Variants in HS3ST3B1 observed in about 807,000 individuals in gnomAD.
HS3ST3B1 encodes the protein heparan sulfate-glucosamine 3-sulfotransferase 3B1.
In HS3ST3B1, 13 loss-of-function variants were observed where a neutral mutation model predicts 21.3. The observed-to-expected ratio is 0.61, with a 90% CI of 0.40 to 0.97. The LOEUF (loss-of-function observed/expected upper bound fraction) is 0.97. Among genes scored for constraint, HS3ST3B1 ranks in the 50% least tolerant of loss-of-function variants. HS3ST3B1 has a pLI of 0.00. For synonymous variants in HS3ST3B1, 234 were observed against 254.8 expected (o/e 0.92, Z 0.78); for missense variants, 459 against 554.8 (o/e 0.83, Z 1.73).
intron 1 of HS3ST3B1, among the ~76,000 whole-genome samples, chr17:14,323,033 G>A (rs537502575): frequency 1.3e-5 from 2 of 151,510 alleles, no homozygotes; most frequent in South Asian, 4.2e-4. Flanking sequence ...AGCCTCCTGA[G>A]TAGTTGGAAT....
At chr17:14,333,820 G>A (rs927147641) in intron 1 of HS3ST3B1, among the ~76,000 whole-genome samples, 2 of 151,984 alleles carry the variant, frequency 1.3e-5, no homozygotes, top group African/African-American at 2.4e-5. Context: ...ACAGAGTCTC[G>A]CAATGGTGTG....
intron 1 of HS3ST3B1, among the ~76,000 whole-genome samples, chr17:14,316,847 G>A (rs1159459287): frequency 6.6e-6 from 1 of 152,248 alleles, no homozygotes; most frequent in Admixed American, 6.5e-5. Context: ...TTAACAGAGA[G>A]AGATGGGGAT....
chr17:14,316,897 T>C (rs1216884079), intron 1 of HS3ST3B1, among the ~76,000 whole-genome samples: 1 of 152,224 alleles, frequency 6.6e-6, no homozygotes, highest in African/African-American at 2.4e-5. Flanking sequence ...TACAGGAGTA[T>C]CTGGATTTCT....
chr17:14,326,944 A>AAG (rs1555549296), intron 1 of HS3ST3B1, among the ~76,000 whole-genome samples: 2 of 148,124 alleles, frequency 1.4e-5, no homozygotes, highest in African/African-American at 5.1e-5. Context: ...AAAAAAAAAA[A>AAG]AAGAAGAAGA....
At chr17:14,318,007 C>T (rs111683017) in intron 1 of HS3ST3B1, among the ~76,000 whole-genome samples, 3,256 of 152,226 alleles carry the variant, frequency 0.021, 43 homozygotes, top group Non-Finnish European at 0.034. Flanking sequence ...CAGCAGTTCC[C>T]GATGGTGTTT....
At chr17:14,340,902 A>C (rs910443512) in intron 1 of HS3ST3B1, among the ~76,000 whole-genome samples, 3 of 152,072 alleles carry the variant, frequency 2.0e-5, no homozygotes, top group Non-Finnish European at 4.4e-5. Context: ...TTTTCTTGGC[A>C]TCTTGGGAGA....
At chr17:14,340,228 T>C (rs2142352335) in intron 1 of HS3ST3B1, among the ~76,000 whole-genome samples, 1 of 152,276 alleles carries the variant, frequency 6.6e-6, no homozygotes, top group African/African-American at 2.4e-5. Flanking sequence ...CAAAGGCCCC[T>C]GATAAGTCAT....
At chr17:14,316,492 G>A (rs939527868) in intron 1 of HS3ST3B1, among the ~76,000 whole-genome samples, 6 of 152,298 alleles carry the variant, frequency 3.9e-5, no homozygotes, top group Admixed American at 3.3e-4. Context: ...TGTCGGTGGT[G>A]TTTATGGAGC....
At chr17:14,331,663 A>G (rs1197839752) in intron 1 of HS3ST3B1, among the ~76,000 whole-genome samples, 3 of 152,196 alleles carry the variant, frequency 2.0e-5, no homozygotes. Flanking sequence ...CTTTTAATGA[A>G]TAATGACATC....
At chr17:14,307,534 A>T (rs1021234697) in intron 1 of HS3ST3B1, among the ~76,000 whole-genome samples, 59 of 152,162 alleles carry the variant, frequency 3.9e-4, no homozygotes, top group African/African-American at 1.4e-3. Context: ...TTCTGGTTAT[A>T]TGAAATGACT....
chr17:14,301,939 A>G lies in HS3ST3B1; in HGVS notation c.421A>G (p.Ile141Val), dbSNP rs766428499. The G allele has an allele frequency of 8.1e-6, 13 of 1,609,836 alleles. No individual in the cohort carries two copies. Among genetic ancestry groups the G allele is most frequent in the African/African-American group, 5.3e-5 (4 of 74,906 alleles). Reference protein sequence around the residue: ...GSGSKQLPQAIIIGVKKGGTR... With the variant: ...GSGSKQLPQAVIIGVKKGGTR... ...TGGGAGCAAGCAGCTGCCGCAGGCC[A>G]TCATCATCGGCGTGAAGAAGGGCGG... is the stretch of plus-strand genomic sequence containing the variant. The change falls in exon 1 of 2, where the codon ATC becomes GTC. Residue 141 changes from isoleucine to valine, a missense_variant. Coordinates refer to ENST00000360954, the MANE Select transcript of HS3ST3B1 (RefSeq NM_006041.3).
At chr17:14,302,833 C>T (rs1269957982) in intron 1 of HS3ST3B1, among the ~76,000 whole-genome samples, 1 of 152,228 alleles carries the variant, frequency 6.6e-6, no homozygotes, top group African/African-American at 2.4e-5. Context: ...CGCCTCCCTG[C>T]CCTCGGTGCT....
At chr17:14,329,708 T>A (rs368407820) in intron 1 of HS3ST3B1, among the ~76,000 whole-genome samples, 20 of 152,294 alleles carry the variant, frequency 1.3e-4, no homozygotes, top group African/African-American at 4.3e-4. Flanking sequence ...ACAGGGGCAC[T>A]AAGAAGGAGG....
chr17:14,318,183 C>T lies in HS3ST3B1; in HGVS notation c.554+16111C>T, dbSNP rs535581634. Among the ~76,000 whole-genome samples the T allele has an allele frequency of 3.3e-5, 5 of 152,232 alleles. No homozygotes were observed. The South Asian group carries it at 1.0e-3, about 32-fold the overall frequency. On this transcript the variant is annotated intron_variant, in intron 1 of 1. Transcript: ENST00000360954. Reference sequence around the variant, plus strand: ...AGAGAGCCATTCTTCTCCAACTCCCCGCTCGGCTCCCCAGGCCAGCTTCTC... The same window carrying T: ...AGAGAGCCATTCTTCTCCAACTCCCTGCTCGGCTCCCCAGGCCAGCTTCTC...
At chr17:14,328,862 AAGAG>A (rs1426162868) in intron 1 of HS3ST3B1, 1 of 152,198 alleles carries the variant, frequency 6.6e-6, no homozygotes, top group Non-Finnish European at 1.5e-5. Context: ...AATGCAAAAA[AAGAG>A]AGAGCAACTG....
intron 1 of HS3ST3B1, among the ~76,000 whole-genome samples, chr17:14,339,840 G>T (rs1463112756): frequency 3.3e-5 from 5 of 152,160 alleles, no homozygotes; most frequent in African/African-American, 1.2e-4. Context: ...ATGTGAGGGG[G>T]TCTTACCCTC....
intron 1 of HS3ST3B1, among the ~76,000 whole-genome samples, chr17:14,306,686 G>A (rs1909148363): frequency 6.6e-6 from 1 of 152,158 alleles, no homozygotes; most frequent in South Asian, 2.1e-4. Context: ...AGAAAACCTG[G>A]TAGCAAAGAA....
Position 14,345,907 on chromosome 17 carries a change from A to G in HS3ST3B1, c.*261A>G, listed in dbSNP as rs1283999721. On this transcript the variant is annotated 3_prime_UTR_variant, in exon 2 of 2. Transcript: ENST00000360954. ...TTCTTCTCCCCTACCTGTTATATTT[A>G]AAACAAAGAAAAGCACAACTTGAGA... 1 of 419,130 alleles carries G rather than the reference A, an allele frequency of 2.4e-6. No homozygotes were observed. The highest frequency in any genetic ancestry group is 2.1e-5 in the African/African-American group (1 of 48,678). 26.0% of individuals were successfully genotyped at this position (419,130 alleles called of 1,614,324 possible).
At chr17:14,304,883 GA>G (rs1909080394) in intron 1 of HS3ST3B1, 1 of 152,248 alleles carries the variant, frequency 6.6e-6, no homozygotes, top group Non-Finnish European at 1.5e-5. Flanking sequence ...TAATCTGTTA[GA>G]GAACGAGGTC....
Sources: gnomAD v4.1 joint callset for allele counts (sites outside exome capture counted in the v4.1 genomes callset) on GRCh38, gnomAD v4.1.1 for gene constraint, MANE v1.5 for transcripts, NCBI Gene and HGNC (gene_info 2026-07-23, HGNC 2026-07-21) for gene names.